PCDHGA5: variants seen among roughly 807,000 people sequenced by gnomAD.
The protein encoded by PCDHGA5 is protocadherin gamma-A5.
In PCDHGA5, 36 loss-of-function variants were observed where a neutral mutation model predicts 56.7. That is an observed-to-expected ratio of 0.64 (90% CI 0.49 to 0.84). The LOEUF is 0.84. PCDHGA5 is among the 40% of genes least tolerant of loss of function. The pLI is 0.00. For synonymous variants in PCDHGA5, 563 were observed against 520.2 expected, an observed-to-expected ratio of 1.08 and a Z score of -1.12; for missense variants, 1,305 against 1,201.5, an observed-to-expected ratio of 1.09 and a Z score of -1.27.
At chr5:141,413,763 G>A (rs964376306) in intron 1 of PCDHGA5, 6 of 1,612,814 alleles carry the variant, frequency 3.7e-6, no homozygotes, top group Non-Finnish European at 5.1e-6. Context: ...TCAAGTACCC[G>A]GAGCTGGTAC....
intron 1 of PCDHGA5, chr5:141,378,405 C>T (rs1250518150): frequency 2.0e-5 from 3 of 152,298 alleles, no homozygotes; most frequent in Non-Finnish European, 4.4e-5. Context: ...GGCCTGTAAT[C>T]GCAGCTACTC....
At chr5:141,441,886 A>C (rs2098281968) in intron 1 of PCDHGA5, 1 of 345,040 alleles carries the variant, frequency 2.9e-6, no homozygotes, top group Non-Finnish European at 5.6e-6. Flanking sequence ...CCTGGTCACC[A>C]AGGTGGTGGC....
intron 1 of PCDHGA5, chr5:141,392,643 AAGAC>A: frequency 1.5e-6 from 1 of 663,020 alleles, no homozygotes; most frequent in Middle Eastern, 4.0e-4. Context: ...ACACCTCACG[AAGAC>A]CCGCAGATGC....
Position 141,432,726 on chromosome 5 carries a change from C to T in PCDHGA5, c.2422-62081C>T, listed in dbSNP as rs777248611. The T allele has an allele frequency of 3.1e-6, 5 of 1,614,092 alleles. No homozygotes were observed. Among genetic ancestry groups the T allele is most frequent in the Non-Finnish European group, 3.4e-6 (4 of 1,179,998 alleles). On this transcript the variant is annotated intron_variant, in intron 1 of 3. Coordinates refer to ENST00000518069, the MANE Select transcript of PCDHGA5 (RefSeq NM_018918.3). This position sits in a 1 kb window ranked among gnomAD's most constrained non-coding sequence, Gnocchi z 6.0. ...GACCACGGCCAGCCCCCTCTCTCCG[C>T]CACTGTCACGCTCACCGTGGCCGTG...
intron 1 of PCDHGA5, among the ~76,000 whole-genome samples, chr5:141,461,267 T>C (rs2099012147): frequency 6.6e-6 from 1 of 152,140 alleles, no homozygotes; most frequent in Admixed American, 6.6e-5. Flanking sequence ...AATGTGTAAG[T>C]GTTCTCTTTT....
intron 3 of PCDHGA5, among the ~76,000 whole-genome samples, chr5:141,506,282 C>G (rs1422321122): frequency 6.6e-6 from 1 of 152,040 alleles, no homozygotes; most frequent in East Asian, 1.9e-4. Flanking sequence ...AACCCTGTCT[C>G]TACTAAAAAT....
intron 1 of PCDHGA5, among the ~76,000 whole-genome samples, chr5:141,457,517 TTAA>T (rs1261688593): frequency 6.6e-6 from 1 of 152,196 alleles, no homozygotes; most frequent in Non-Finnish European, 1.5e-5. Flanking sequence ...TTAAAAACAA[TTAA>T]TGAGACTAGG....
At position 141,365,248 on chromosome 5, in the gene PCDHGA5, A is replaced by G; in HGVS notation, c.918A>G (p.Ser306=). ...SNLGEISTLQ[S]LDYEESRFYL... ...TGGGGGAAATCTCAACTCTACAATC[A>G]CTGGACTATGAAGAATCCAGATTCT... The change falls in exon 1 of 4, where the codon TCA becomes TCG. Residue 306 remains serine, a synonymous_variant. Transcript: ENST00000518069. 5 of 1,613,892 alleles carry G rather than the reference A, an allele frequency of 3.1e-6. No homozygotes were observed. Among genetic ancestry groups the G allele is most frequent in the Non-Finnish European group, 4.2e-6 (5 of 1,179,880 alleles).
intron 1 of PCDHGA5, chr5:141,408,026 G>A (rs1484571389): frequency 2.8e-6 from 3 of 1,081,716 alleles, no homozygotes; most frequent in African/African-American, 3.2e-5. Context: ...ACAACAGAAA[G>A]AAGAAAACCA....
intron 1 of PCDHGA5, among the ~76,000 whole-genome samples, chr5:141,448,772 G>C (rs1034550563): frequency 1.5e-4 from 22 of 151,272 alleles, no homozygotes; most frequent in African/African-American, 3.7e-4. Context: ...AACCCCGTCT[G>C]TACTAAAAAT....
intron 1 of PCDHGA5, chr5:141,393,452 GGCCTCGGATGGCGGCAAGCC>G: frequency 6.2e-7 from 1 of 1,614,030 alleles, no homozygotes; most frequent in Admixed American, 1.7e-5. Context: ...TGGTCCTCAC[GGCCTCGGATGGCGGCAAGCC>G]GCCTCGCTCT....
chr5:141,470,022 G>A (rs892106953), intron 1 of PCDHGA5, among the ~76,000 whole-genome samples: 2 of 152,188 alleles, frequency 1.3e-5, no homozygotes, highest in African/African-American at 2.4e-5. Context: ...CCAGCTACTC[G>A]GGATGCTGAG....
rs1012028735 is a variant in PCDHGA5 at position 141,413,666 on chromosome 5, C to T, written c.2421+46915C>T. 4 of 1,613,666 alleles carry T rather than the reference C, an allele frequency of 2.5e-6. No individual in the cohort carries two copies. In the African/African-American group the frequency reaches 5.3e-5, roughly 22 times the overall value. On this transcript the variant is annotated intron_variant, in intron 1 of 3. Coordinates refer to ENST00000518069, the MANE Select transcript of PCDHGA5 (RefSeq NM_018918.3). ...TTTCCTCTCCCGGAAGCTATTGATC[C>T]GGATGTGGGCGTGAACTCCCTGCAG... is the stretch of plus-strand genomic sequence containing the variant.
At chr5:141,409,098 G>A in intron 1 of PCDHGA5, 2 of 1,613,994 alleles carry the variant, frequency 1.2e-6, no homozygotes, top group Non-Finnish European at 1.7e-6. Flanking sequence ...GAGAAAACAG[G>A]TATGATTAAG....
rs774471563 is a variant in PCDHGA5, at chr5:141,365,988, T to A, written c.1658T>A (p.Leu553Gln). The A allele has an allele frequency of 5.6e-6, 9 of 1,614,268 alleles. No individual in the cohort carries two copies. The South Asian group carries it at 9.9e-5, about 18-fold the overall frequency. The stretch of plus-strand genomic sequence containing the variant: ...AACGTGTCGCTGAGCCTGTTTGTGC[T>A]GGACCAGAACGACAATACGCCTGAG... ...SSNVSLSLFV[L>Q]DQNDNTPEIL... is the part of the protein sequence containing the mutation. The change falls in exon 1 of 4, where the codon CTG (leucine) becomes CAG (glutamine). Residue 553 changes from leucine (L) to glutamine (Q), a missense_variant. By Grantham distance (113) the Leu-to-Gln change is moderately radical. Coordinates refer to ENST00000518069, the MANE Select transcript of PCDHGA5 (RefSeq NM_018918.3).
At chr5:141,394,151 C>T in intron 1 of PCDHGA5, 2 of 1,613,900 alleles carry the variant, frequency 1.2e-6, no homozygotes, top group Non-Finnish European at 1.7e-6. Context: ...CAGACATTAA[C>T]GACAACCCTC....
Position 141,477,439 on chromosome 5 carries a change from A to C in PCDHGA5, c.2422-17368A>C. 1 of 1,614,142 alleles carries C rather than the reference A, an allele frequency of 6.2e-7. No homozygotes were observed. Among genetic ancestry groups the C allele is most frequent in the Non-Finnish European group, 8.5e-7 (1 of 1,180,016 alleles). On this transcript the variant is annotated intron_variant, in intron 1 of 3. Transcript: ENST00000518069. This position sits in a 1 kb window ranked among gnomAD's most constrained non-coding sequence, Gnocchi z 4.9. ...GAACCCCTTCCCTCTCAGCCCTTAC[A>C]ATAGTGCGTGTTCAAGTGTCCGACA... is the stretch of plus-strand genomic sequence containing the variant.
intron 1 of PCDHGA5, chr5:141,383,770 A>G (rs776707003): frequency 6.2e-7 from 1 of 1,613,890 alleles, no homozygotes; most frequent in East Asian, 2.2e-5. Context: ...ACTTCCAAAG[A>G]TGTTTCATCT....
At chr5:141,388,728 A>G (rs377444638) in intron 1 of PCDHGA5, 11 of 1,613,902 alleles carry the variant, frequency 6.8e-6, no homozygotes, top group Admixed American at 1.7e-5. Flanking sequence ...TTTCTCTTTC[A>G]GTGAAGCTAG....
Sources: allele counts gnomAD v4.1 joint callset (sites outside exome capture counted in the v4.1 genomes callset), GRCh38; gene constraint gnomAD v4.1.1; non-coding constraint Gnocchi (gnomAD v3.1); transcripts MANE v1.5; gene names NCBI Gene and HGNC (gene_info 2026-07-23, HGNC 2026-07-21).